Variants in ABCA1 observed in about 807,000 individuals in gnomAD.
The protein encoded by ABCA1 is phospholipid-transporting ATPase ABCA1.
In ABCA1, 133 loss-of-function variants were observed where a neutral mutation model predicts 262.5. The observed-to-expected ratio is 0.51, with a 90% CI of 0.44 to 0.59. The LOEUF is 0.59. ABCA1 is among the 20% of genes least tolerant of loss of function. The pLI, the probability that ABCA1 is intolerant of heterozygous loss-of-function variation, is 0.00. For synonymous variants in ABCA1, 1,022 were observed against 1,043.5 expected, an observed-to-expected ratio of 0.98 and a Z score of 0.40; for missense variants, 2,452 against 2,777.5, an observed-to-expected ratio of 0.88 and a Z score of 2.63.
At chr9:104,882,028 T>TAAATAAAA in intron 5 of ABCA1, among the ~76,000 whole-genome samples, 1 of 73,748 alleles carries the variant, frequency 1.4e-5, no homozygotes, top group Non-Finnish European at 2.6e-5. Context: ...TCTGTAGCCT[T>TAAATAAAA]AAAAAAAAAA....
intron 12 of ABCA1, among the ~76,000 whole-genome samples, chr9:104,832,129 G>A (rs1227128104): frequency 1.3e-5 from 2 of 152,134 alleles, no homozygotes; most frequent in Non-Finnish European, 2.9e-5. Flanking sequence ...CTGAGTCATA[G>A]CAACTAACCA....
intron 12 of ABCA1, 77 bp from the exon 13 acceptor site, chr9:104,831,904 G>A: frequency 2.3e-6 from 3 of 1,329,130 alleles, no homozygotes; most frequent in Non-Finnish European, 3.3e-6. Context: ...CCTACACTAG[G>A]AGGCAAGGGC....
In ABCA1 at chr9:104,792,984, T is replaced by C. The variant is rs928165589; in HGVS notation, c.5637-78A>G. 1.9e-5 allele frequency: 30 copies of C among 1,607,058 alleles called. No individual in the cohort carries two copies. In the African/African-American group the frequency reaches 2.8e-4, roughly 15 times the overall value. On this transcript the variant is annotated intron_variant, in intron 41 of 49. Transcript: ENST00000374736. ...AGATTCAGTCTCTAACGTAGTATTA[T>C]AAAACCTACTTGCCACAGTCTCCAG...
In ABCA1 at chr9:104,883,098, C is replaced by G. The variant is rs1564241066; in HGVS notation, c.362G>C (p.Ser121Thr). The G allele has an allele frequency of 2.5e-6, 4 of 1,613,944 alleles. No individual in the cohort carries two copies. Among genetic ancestry groups the G allele is most frequent in the Non-Finnish European group, 2.5e-6 (3 of 1,180,026 alleles). The change falls in exon 5 of 50, where the codon AGC (serine) becomes ACC (threonine). Residue 121 changes from serine (S) to threonine (T), a missense_variant. This residue lies in a region of ABCA1 where 1,032 missense variants were observed against 1,089.7 expected (regional missense o/e 0.95). Transcript: ENST00000374736. Reference sequence around the variant, plus strand: ...CAGAACTTTGCGCATGTCCTTCATGCTGGTGTCTTTCTGGCTGTATAAAAG... The same window carrying G: ...CAGAACTTTGCGCATGTCCTTCATGGTGGTGTCTTTCTGGCTGTATAAAAG... ...RLLLYSQKDT[S>T]MKDMRKVLRT...
intron 14 of ABCA1, among the ~76,000 whole-genome samples, chr9:104,830,273 C>T (rs1050981475): frequency 6.6e-6 from 1 of 152,208 alleles, no homozygotes; most frequent in Non-Finnish European, 1.5e-5. Context: ...ATAAACTGTG[C>T]TTTTATAAGT....
intron 18 of ABCA1, 31 bp from the exon 19 acceptor site, chr9:104,822,698 C>A: frequency 6.2e-7 from 1 of 1,612,276 alleles, no homozygotes; most frequent in South Asian, 1.1e-5. Context: ...GAAATGAACC[C>A]ACAGAAAGCA....
At chr9:104,852,823 C>T (rs1354725550) in intron 7 of ABCA1, among the ~76,000 whole-genome samples, 1 of 152,164 alleles carries the variant, frequency 6.6e-6, no homozygotes, top group Non-Finnish European at 1.5e-5. Flanking sequence ...GTCCGGGTTC[C>T]AGACAGGAGA....
chr9:104,849,546 T>C (rs4149290), intron 7 of ABCA1, among the ~76,000 whole-genome samples: 13,438 of 152,216 alleles, frequency 0.088, 654 homozygotes, highest in Middle Eastern at 0.14. Flanking sequence ...TGGCAATCTG[T>C]AGTCAATATA....
intron 7 of ABCA1, among the ~76,000 whole-genome samples, chr9:104,846,559 A>ATAGC (rs1385555455): frequency 2.6e-5 from 4 of 152,242 alleles, no homozygotes; most frequent in Non-Finnish European, 4.4e-5. Context: ...TCTCTGAGAA[A>ATAGC]TAGCTGCCTG....
intron 5 of ABCA1, among the ~76,000 whole-genome samples, chr9:104,875,480 C>G (rs568774339): frequency 6.6e-6 from 1 of 152,110 alleles, no homozygotes; most frequent in South Asian, 2.1e-4. Context: ...CATACTCAGT[C>G]GGGATGGCAG....
At position 104,792,794 on chromosome 9, in the gene ABCA1, A is replaced by G; in HGVS notation, c.5749T>C (p.Leu1917=). The change falls in exon 42 of 50, where the codon TTG becomes CTG. Residue 1917 remains leucine (L), a synonymous_variant. Transcript: ENST00000374736. ...AACCTGTACTCTCTCACCTTCGTCA[A>G]CTCCTTGATTTCTAAGATGTCATTC... ...GQNDILEIKE[L]TKIYRRKRKP... The G allele has an allele frequency of 6.2e-7, 1 of 1,614,014 alleles. No homozygotes were observed. The highest frequency in any genetic ancestry group is 1.1e-5 in the South Asian group (1 of 91,076).
chr9:104,873,554 G>A (rs1436476527), intron 5 of ABCA1, among the ~76,000 whole-genome samples: 1 of 152,228 alleles, frequency 6.6e-6, no homozygotes, highest in Non-Finnish European at 1.5e-5. Flanking sequence ...GCTACTCAGA[G>A]CTGCTCTCTT....
At chr9:104,900,195 G>C (rs141979782) in intron 2 of ABCA1, among the ~76,000 whole-genome samples, 1 of 152,110 alleles carries the variant, frequency 6.6e-6, no homozygotes, top group Non-Finnish European at 1.5e-5. Flanking sequence ...TGAACATAGC[G>C]TTTCTAGTCT....
chr9:104,830,753 C>A (rs1833223511), intron 14 of ABCA1, among the ~76,000 whole-genome samples, 172 bp downstream of exon 14: 1 of 152,026 alleles, frequency 6.6e-6, no homozygotes, highest in African/African-American at 2.4e-5. Context: ...AAGAGGTTTA[C>A]TAGTGTGTGC....
In ABCA1 at chr9:104,794,431, T is replaced by G; in HGVS notation, c.5462A>C (p.Asp1821Ala). The change falls in exon 40 of 50, where the codon GAC becomes GCC. Residue 1821 changes from aspartate (D) to alanine (A), a missense_variant. Around this residue, in one of 4 missense-constraint regions of ABCA1, gnomAD observed 752 missense variants for 944.5 expected, o/e 0.80. Coordinates refer to ENST00000374736, the MANE Select transcript of ABCA1 (RefSeq NM_005502.4). ...PHFCLGRGLI[D>A]MVKNQAMADA... ...AGCCATTGCCTGGTTTTTCACCATG[T>G]CGATGAGCCCTCGTCCCAGGCAAAA... 6.2e-7 allele frequency: 1 copy of G among 1,611,790 alleles called. No individual in the cohort carries two copies. The highest frequency in any genetic ancestry group is 8.5e-7 in the Non-Finnish European group (1 of 1,179,804).
intron 7 of ABCA1, among the ~76,000 whole-genome samples, chr9:104,852,605 T>C (rs1448308861): frequency 6.6e-6 from 1 of 152,188 alleles, no homozygotes; most frequent in Non-Finnish European, 1.5e-5. Context: ...AGCAGTCATA[T>C]TAACACACTG....
At chr9:104,829,638 G>C (rs1833086805) in intron 14 of ABCA1, among the ~76,000 whole-genome samples, 1 of 152,132 alleles carries the variant, frequency 6.6e-6, no homozygotes, top group South Asian at 2.1e-4. Context: ...CCCTGAACTT[G>C]AGGTTCACGT....
intron 5 of ABCA1, among the ~76,000 whole-genome samples, chr9:104,874,458 G>A (rs1186963844): frequency 5.9e-5 from 9 of 152,102 alleles, no homozygotes; most frequent in Non-Finnish European, 8.8e-5. Context: ...CCAGCTATTC[G>A]GGAGGCTGAG....
At chr9:104,804,543 A>G (rs1337347122) in intron 32 of ABCA1, 83 bp downstream of exon 32, 1 of 1,105,508 alleles carries the variant, frequency 9.0e-7, no homozygotes, top group Non-Finnish European at 1.4e-6. Flanking sequence ...CATTTCCCCC[A>G]CTGTTTCAGT....
Sources: allele counts gnomAD v4.1 joint callset (sites outside exome capture counted in the v4.1 genomes callset), GRCh38; gene constraint gnomAD v4.1.1; regional missense constraint gnomAD v4.1.1; transcripts MANE v1.5; gene names NCBI Gene and HGNC (gene_info 2026-07-23, HGNC 2026-07-21).